KALRN: variants seen among roughly 807,000 people sequenced by gnomAD.
KALRN encodes kalirin RhoGEF kinase.
In KALRN, 70 loss-of-function variants were observed where a neutral mutation model predicts 353.7. The observed-to-expected ratio is 0.20, with a 90% confidence interval of 0.16 to 0.24. KALRN has a LOEUF of 0.24. Among genes scored for constraint, KALRN ranks in the 10% least tolerant of loss-of-function variants. KALRN has a pLI of 1.00. For synonymous variants in KALRN, 1,391 were observed against 1,434.8 expected, an observed-to-expected ratio of 0.97 and a Z score of 0.69; for missense variants, 2,791 against 3,756.7, an observed-to-expected ratio of 0.74 and a Z score of 6.72.
intron 1 of KALRN, among the ~76,000 whole-genome samples, chr3:124,089,429 A>C (rs895568385): frequency 6.6e-6 from 1 of 152,132 alleles, no homozygotes; most frequent in African/African-American, 2.4e-5. Flanking sequence ...GGAACATTTA[A>C]GAGAAGCCAA....
At chr3:124,404,168 A>AAAAAAG (rs1203021726) in intron 13 of KALRN, among the ~76,000 whole-genome samples, 1 of 149,016 alleles carries the variant, frequency 6.7e-6, no homozygotes, top group African/African-American at 2.4e-5. Flanking sequence ...AAAAAAAAAA[A>AAAAAAG]AGAGAGAACT....
chr3:124,217,471 T>C (rs2077445730), intron 1 of KALRN, among the ~76,000 whole-genome samples: 1 of 152,216 alleles, frequency 6.6e-6, no homozygotes, highest in African/African-American at 2.4e-5. Context: ...TGTGTGTGTG[T>C]GTGCGTGTAT....
chr3:124,479,207 T>C (rs1484088427), intron 27 of KALRN, among the ~76,000 whole-genome samples: 1 of 152,242 alleles, frequency 6.6e-6, no homozygotes, highest in Non-Finnish European at 1.5e-5. Flanking sequence ...AGCCAATTTC[T>C]AGGCTTTGAT....
intron 13 of KALRN, among the ~76,000 whole-genome samples, chr3:124,409,620 A>G (rs902148053): frequency 6.6e-6 from 1 of 152,200 alleles, no homozygotes; most frequent in Non-Finnish European, 1.5e-5. Flanking sequence ...TGACTGGTTC[A>G]CAACAAGAGC....
chr3:124,088,088 A>C (rs1179880204), intron 1 of KALRN, among the ~76,000 whole-genome samples: 1 of 151,738 alleles, frequency 6.6e-6, no homozygotes, highest in Non-Finnish European at 1.5e-5. Flanking sequence ...GACTATAAAA[A>C]TTTTTCTTCT....
intron 30 of KALRN, 145 bp from the exon 31 acceptor site, chr3:124,491,178 A>G (rs1352031628): frequency 1.7e-6 from 1 of 586,288 alleles, no homozygotes; most frequent in Non-Finnish European, 3.0e-6. Context: ...GTAGATGAAC[A>G]GAATATCCAA....
At chr3:124,621,013 GA>G (rs2079209420) in intron 34 of KALRN, among the ~76,000 whole-genome samples, 1 of 152,198 alleles carries the variant, frequency 6.6e-6, no homozygotes, top group South Asian at 2.1e-4. Flanking sequence ...CAAAATTTAG[GA>G]GACTTCTAAT....
intron 33 of KALRN, among the ~76,000 whole-genome samples, chr3:124,511,561 G>A (rs1412903726): frequency 6.6e-6 from 1 of 152,140 alleles, no homozygotes; most frequent in Non-Finnish European, 1.5e-5. Flanking sequence ...GCTTCTAGAA[G>A]AAGAGCATGG....
intron 17 of KALRN, among the ~76,000 whole-genome samples, chr3:124,437,479 C>T (rs749853744): frequency 2.8e-4 from 43 of 152,236 alleles, no homozygotes; most frequent in Non-Finnish European, 5.1e-4. Context: ...CACTTGAGGT[C>T]AGGGGTTCAA....
intron 29 of KALRN, chr3:124,488,521 G>A (rs2062807348): frequency 1.8e-6 from 1 of 545,654 alleles, no homozygotes; most frequent in East Asian, 3.1e-5. Context: ...GAAGGACCAG[G>A]CCTAAGCCAC....
chr3:124,080,965 G>A (rs2060510745), intron 1 of KALRN, among the ~76,000 whole-genome samples: 1 of 152,168 alleles, frequency 6.6e-6, no homozygotes, highest in Non-Finnish European at 1.5e-5. Context: ...CCAGAGACCT[G>A]CATTCCACCT....
intron 33 of KALRN, among the ~76,000 whole-genome samples, chr3:124,509,304 G>C (rs1485414953): frequency 6.6e-6 from 1 of 152,148 alleles, no homozygotes; most frequent in Non-Finnish European, 1.5e-5. Flanking sequence ...CACCTCCCGG[G>C]TTCAAGCAAT....
chr3:124,695,882 A>G (rs1303251015), intron 53 of KALRN, among the ~76,000 whole-genome samples: 2 of 152,154 alleles, frequency 1.3e-5, no homozygotes, highest in East Asian at 1.9e-4. Flanking sequence ...TCTAATTCTT[A>G]TGTCATTTTA....
chr3:124,300,369 T>C (rs892364238), intron 6 of KALRN, among the ~76,000 whole-genome samples: 34 of 152,186 alleles, frequency 2.2e-4, no homozygotes, highest in African/African-American at 7.7e-4. Context: ...TTATTGTTCC[T>C]ACCACACACC....
intron 53 of KALRN, among the ~76,000 whole-genome samples, chr3:124,695,370 T>A (rs1420919022): frequency 6.6e-6 from 1 of 152,190 alleles, no homozygotes; most frequent in East Asian, 1.9e-4. Flanking sequence ...ATTCATTGAC[T>A]TAATTTGTGT....
At chr3:124,084,348 C>T (rs1403303824) in intron 1 of KALRN, among the ~76,000 whole-genome samples, 1 of 152,198 alleles carries the variant, frequency 6.6e-6, no homozygotes, top group Non-Finnish European at 1.5e-5. Flanking sequence ...GCCTTGGCCT[C>T]TGCCTTCCGA....
At chr3:124,227,677 T>TG in intron 1 of KALRN, among the ~76,000 whole-genome samples, 3 of 38,928 alleles carry the variant, frequency 7.7e-5, no homozygotes, top group Admixed American at 2.8e-4. Context: ...TTTTTTTTTT[T>TG]TTTTTTTTTT....
chr3:124,651,831 T>G (rs952343079), intron 38 of KALRN, among the ~76,000 whole-genome samples: 4 of 151,706 alleles, frequency 2.6e-5, no homozygotes, highest in Non-Finnish European at 5.9e-5. Context: ...AGAGATGGAG[T>G]CTTGCTTGGT....
intron 18 of KALRN, among the ~76,000 whole-genome samples, chr3:124,439,388 T>C (rs1402485326): frequency 1.3e-5 from 2 of 152,216 alleles, no homozygotes; most frequent in Non-Finnish European, 1.5e-5. Flanking sequence ...TTTTGTATAG[T>C]TAGGCGATCA....
Sources: allele counts gnomAD v4.1 joint callset (sites outside exome capture counted in the v4.1 genomes callset), GRCh38; gene constraint gnomAD v4.1.1; transcripts MANE v1.5; gene names NCBI Gene and HGNC (gene_info 2026-07-23, HGNC 2026-07-21).